Variants in MOG observed in about 807,000 individuals in gnomAD.
MOG encodes the protein myelin oligodendrocyte glycoprotein, also known as myelin-oligodendrocyte glycoprotein.
In MOG, 20 loss-of-function variants were observed where a neutral mutation model predicts 35.9. That is an observed-to-expected ratio of 0.56 (90% CI 0.39 to 0.81). The LOEUF (loss-of-function observed/expected upper bound fraction) is 0.81, where lower values mean the gene tolerates loss of function less well. MOG is among the 30% of genes least tolerant of loss of function. The probability of loss-of-function intolerance (pLI) is 0.00; values close to 1 mark genes in which losing one functional copy is unlikely to be tolerated. For synonymous variants in MOG, 92 were observed against 114.3 expected (o/e 0.80, Z 1.25); for missense variants, 251 against 301.0 (o/e 0.83, Z 1.23).
At position 29,666,223 on chromosome 6, in the gene MOG, A is replaced by T; in HGVS notation, c.508A>T (p.Thr170Ser). ...AVLPVLLLQITVGLIFLCLQY... is the reference protein window; with the variant it reads ...AVLPVLLLQISVGLIFLCLQY... ...GCTGCCTGTGCTCCTCCTGCAGATCACTGTTGGCCTCATCTTCCTCTGCCT... is the reference window on the plus strand; with the variant it reads ...GCTGCCTGTGCTCCTCCTGCAGATCTCTGTTGGCCTCATCTTCCTCTGCCT... Residue 170 changes from threonine to serine, a missense_variant, in exon 3 of 8, where the codon ACT becomes TCT. By Grantham distance (58) the Thr-to-Ser change is moderately conservative (BLOSUM62 1). Transcript: ENST00000376917. 1 of 1,612,580 alleles carries T rather than the reference A, an allele frequency of 6.2e-7. No individual in the cohort carries two copies. Among genetic ancestry groups the T allele is most frequent in the East Asian group, 2.2e-5 (1 of 44,852 alleles).
intron 2 of MOG, chr6:29,664,684 A>G (rs1425539740): frequency 2.2e-6 from 1 of 448,768 alleles, no homozygotes; most frequent in Non-Finnish European, 4.5e-6. Context: ...GGCTCATTGC[A>G]GCCTCCACCT....
chr6:29,660,636 A>G (rs1320241651), intron 2 of MOG, among the ~76,000 whole-genome samples: 2 of 150,812 alleles, frequency 1.3e-5, no homozygotes, highest in Non-Finnish European at 2.9e-5. Flanking sequence ...ATGTCTAAAT[A>G]TAATTATAGA....
chr6:29,661,235 A>C (rs964817963), intron 2 of MOG: 6 of 295,302 alleles, frequency 2.0e-5, no homozygotes, highest in African/African-American at 1.1e-4. Flanking sequence ...ACAATTGATC[A>C]CTATTGTATC....
chr6:29,671,754 CAGAG>C lies in MOG; in HGVS notation c.*570_*573del. ...GGGGAGAAACCTACAGAATACTAGC[CAGAG>C]CTCCTCCTTGTCTTGGCAGCCTACT... is the stretch of plus-strand genomic sequence containing the variant. On this transcript the variant is annotated 3_prime_UTR_variant, in exon 8 of 8. Transcript: ENST00000376917. 2.2e-6 allele frequency: 1 copy of C among 461,576 alleles called. No homozygotes were observed. Among genetic ancestry groups the C allele is most frequent in the Non-Finnish European group, 3.8e-6 (1 of 260,012 alleles). 28.6% of individuals were successfully genotyped at this position (461,576 alleles called of 1,614,324 possible). A position where few individuals can be genotyped will look rare whatever the true frequency, so the allele number is the denominator to read the frequency against.
intron 5 of MOG, 86 bp downstream of exon 5, chr6:29,668,010 C>T: frequency 7.7e-7 from 1 of 1,292,526 alleles, no homozygotes. Flanking sequence ...GGACCCCTGG[C>T]TCCTGGTTGA....
intron 5 of MOG, chr6:29,669,973 G>A (rs1353753230): frequency 4.6e-6 from 3 of 647,016 alleles, no homozygotes; most frequent in Non-Finnish European, 8.3e-6. Context: ...GTTTCACCAT[G>A]TTGGCCTGGC....
rs539181741 is a variant in MOG at position 29,669,497 on chromosome 6, G to A, written c.593-784G>A. Among the ~76,000 whole-genome samples, 334 of 151,440 alleles carry A rather than the reference G, an allele frequency of 2.2e-3. 7 individuals are homozygous for A. The highest frequency in any genetic ancestry group is 0.014 in the Middle Eastern group (4 of 292). On this transcript the variant is annotated intron_variant, in intron 5 of 7. Coordinates refer to ENST00000376917, the MANE Select transcript of MOG (RefSeq NM_206809.4). ...GTAGAGACGGGGTTTCACCATGTTG[G>A]CCAGGCTGGTCTTGAACCCCTGACC...
chr6:29,670,615 G>A lies in MOG; in HGVS notation c.710-86G>A. The A allele has an allele frequency of 6.3e-7, 1 of 1,591,004 alleles. No homozygotes were observed. Among genetic ancestry groups the A allele is most frequent in the Non-Finnish European group, 8.6e-7 (1 of 1,168,414 alleles). ...ATCCCCCAGTGGAAAGGGCAGTGTG[G>A]GTCACTCCAAATGTCCATAGGGAGG... On this transcript the variant is annotated intron_variant, in intron 6 of 7. Coordinates refer to ENST00000376917, the MANE Select transcript of MOG (RefSeq NM_206809.4). The surrounding 1 kb of genome is among the most constrained non-coding windows in gnomAD (Gnocchi z 4.2).
chr6:29,671,498 A>ACCATCCTGTGTT lies in MOG; in HGVS notation c.*313_*314insCCATCCTGTGTT. On this transcript the variant is annotated 3_prime_UTR_variant, in exon 8 of 8. Coordinates refer to ENST00000376917, the MANE Select transcript of MOG (RefSeq NM_206809.4). ...CCATCAGAGGACACCTGTACTGGAG[A>ACCATCCTGTGTT]GCAACACAGGATGGTCTCTGCCATG... 8.1e-7 allele frequency: 1 copy of ACCATCCTGTGTT among 1,231,580 alleles called. No homozygotes were observed. 76.3% of individuals were successfully genotyped at this position (1,231,580 alleles called of 1,614,324 possible).
chr6:29,667,193 G>C (rs2535247), intron 3 of MOG, among the ~76,000 whole-genome samples: 10,887 of 152,082 alleles, frequency 0.072, 719 homozygotes, highest in African/African-American at 0.17. Context: ...AACATCCTTC[G>C]TCCTAAATTG....
intron 3 of MOG, 79 bp from the exon 4 acceptor site, chr6:29,667,564 C>T: frequency 6.9e-7 from 1 of 1,452,486 alleles, no homozygotes; most frequent in Non-Finnish European, 9.7e-7. Flanking sequence ...GCACAAGGGG[C>T]CCAGGCGCTG....
rs182420962 is a variant in MOG at position 29,659,441 on chromosome 6, C to G, written c.211C>G (p.Pro71Ala). 2.1e-4 allele frequency: 343 copies of G among 1,612,986 alleles called. No homozygotes were observed. The highest frequency in any genetic ancestry group is 9.9e-4 in the Middle Eastern group (6 of 6,062). The change falls in exon 2 of 8, where the codon CCC (proline) becomes GCC (alanine). Residue 71 changes from proline (P) to alanine (A), a missense_variant. By Grantham distance (27) the Pro-to-Ala change is conservative (BLOSUM62 -1). Coordinates refer to ENST00000376917, the MANE Select transcript of MOG (RefSeq NM_206809.4). ...AGGCATGGAGGTGGGGTGGTACCGC[C>G]CCCCCTTCTCTAGGGTGGTTCATCT... The part of the protein sequence containing the change: ...ATGMEVGWYR[P>A]PFSRVVHLYR...
At chr6:29,660,556 G>T (rs1174384772) in intron 2 of MOG, among the ~76,000 whole-genome samples, 1 of 104,384 alleles carries the variant, frequency 9.6e-6, no homozygotes, top group African/African-American at 3.2e-5. Flanking sequence ...CCCTGTATTT[G>T]TGAGCGCACA....
intron 2 of MOG, among the ~76,000 whole-genome samples, chr6:29,665,649 C>T (rs1323748971): frequency 1.3e-5 from 2 of 152,028 alleles, no homozygotes; most frequent in East Asian, 3.8e-4. Context: ...TCCCTATGTT[C>T]TCCAGTCCTG....
At chr6:29,669,262 GC>G (rs1177637289) in intron 5 of MOG, among the ~76,000 whole-genome samples, 1 of 151,574 alleles carries the variant, frequency 6.6e-6, no homozygotes, top group African/African-American at 2.4e-5. Flanking sequence ...AAGTAATGTA[GC>G]AGCAAGTCTA....
At chr6:29,666,106 G>C (rs749015619) in intron 2 of MOG, 46 bp from the exon 3 acceptor site, 1 of 1,203,718 alleles carries the variant, frequency 8.3e-7, no homozygotes, top group Non-Finnish European at 1.2e-6. Flanking sequence ...GCTGAGTGTT[G>C]GGGATTCAGC....
chr6:29,658,597 A>G (rs1463142668), intron 1 of MOG, among the ~76,000 whole-genome samples: 1 of 152,218 alleles, frequency 6.6e-6, no homozygotes, highest in African/African-American at 2.4e-5. Flanking sequence ...ATAGGCAGCA[A>G]TTTGGCCAAG....
At chr6:29,665,417 C>T (rs1326687301) in intron 2 of MOG, among the ~76,000 whole-genome samples, 1 of 152,086 alleles carries the variant, frequency 6.6e-6, no homozygotes, top group Non-Finnish European at 1.5e-5. Context: ...TTTTTATTGA[C>T]GACAAAGTCA....
chr6:29,666,312 C>A, intron 3 of MOG, 47 bp downstream of exon 3: 1 of 1,172,854 alleles, frequency 8.5e-7, no homozygotes, highest in Non-Finnish European at 1.3e-6. Context: ...TTTAAATGAG[C>A]TGGCTTCTTG....
Sources: gnomAD v4.1 joint callset for allele counts (sites outside exome capture counted in the v4.1 genomes callset) on GRCh38, gnomAD v4.1.1 for gene constraint, Gnocchi (gnomAD v3.1) non-coding constraint, MANE v1.5 for transcripts, NCBI Gene and HGNC (gene_info 2026-07-23, HGNC 2026-07-21) for gene names.